Variants in GABRB1 observed in about 807,000 individuals in gnomAD.
GABRB1 encodes the protein gamma-aminobutyric acid type A receptor subunit beta1.
Under a neutral mutation model 51.6 loss-of-function variants are expected in GABRB1, and 17 were observed. The observed-to-expected ratio is 0.33, with a 90% CI of 0.23 to 0.49. The LOEUF is 0.49. Among genes scored for constraint, GABRB1 ranks in the 20% least tolerant of loss-of-function variants. The probability of loss-of-function intolerance (pLI) is 0.99; values close to 1 mark genes in which losing one functional copy is unlikely to be tolerated. For synonymous variants in GABRB1, 247 were observed against 218.9 expected (o/e 1.13, Z -1.14); for missense variants, 410 against 600.6 (o/e 0.68, Z 3.32).
intron 1 of GABRB1, among the ~76,000 whole-genome samples, chr4:47,022,939 A>G (rs1457729898): frequency 6.6e-6 from 1 of 152,128 alleles, no homozygotes; most frequent in Non-Finnish European, 1.5e-5. Context: ...CCATGAACAG[A>G]TGAATGAATA....
At chr4:46,999,838 T>A (rs1207463778) in intron 1 of GABRB1, among the ~76,000 whole-genome samples, 1 of 152,198 alleles carries the variant, frequency 6.6e-6, no homozygotes, top group Non-Finnish European at 1.5e-5. Context: ...TCACTGCATG[T>A]TTCATACTAA....
chr4:47,083,237 T>C lies in GABRB1; in HGVS notation c.240+50753T>C, dbSNP rs1012212128. Among the ~76,000 whole-genome samples, 3 of 152,272 alleles carry C rather than the reference T, an allele frequency of 2.0e-5. No individual in the cohort carries two copies. The East Asian group carries it at 5.8e-4, about 29-fold the overall frequency. On this transcript the variant is annotated intron_variant, in intron 3 of 8. Coordinates refer to ENST00000295454, the MANE Select transcript of GABRB1 (RefSeq NM_000812.4). ...TGATGACTTGAAACTCAAGCCTTGATAATGTCCTCCACTCTGTCAAGCAGG... is the reference window on the plus strand; with the variant it reads ...TGATGACTTGAAACTCAAGCCTTGACAATGTCCTCCACTCTGTCAAGCAGG...
At chr4:47,064,821 G>A (rs370599249) in intron 3 of GABRB1, among the ~76,000 whole-genome samples, 1 of 152,128 alleles carries the variant, frequency 6.6e-6, no homozygotes, top group South Asian at 2.1e-4. Context: ...ACAGTTTTTA[G>A]TGTGTAGAGG....
chr4:47,400,382 G>A (rs1007981988), intron 5 of GABRB1, among the ~76,000 whole-genome samples: 2 of 151,980 alleles, frequency 1.3e-5, no homozygotes, highest in Non-Finnish European at 2.9e-5. Flanking sequence ...TCCTTCTCTA[G>A]GGCTACTGGG....
At chr4:47,000,434 T>A (rs1724143947) in intron 1 of GABRB1, among the ~76,000 whole-genome samples, 2 of 152,218 alleles carry the variant, frequency 1.3e-5, no homozygotes, top group Non-Finnish European at 1.5e-5. Flanking sequence ...ACTATGTTAC[T>A]TTTTTTATAT....
chr4:47,314,539 G>C (rs1724815230), intron 4 of GABRB1, among the ~76,000 whole-genome samples: 1 of 151,948 alleles, frequency 6.6e-6, no homozygotes. Context: ...GCTGACCAGT[G>C]GTGCTCAAAT....
intron 4 of GABRB1, among the ~76,000 whole-genome samples, chr4:47,309,478 G>T (rs1724588664): frequency 6.6e-6 from 1 of 152,094 alleles, no homozygotes; most frequent in Admixed American, 6.6e-5. Context: ...CAAAAGAGAG[G>T]AGGGAAAGAA....
chr4:47,111,789 CAGG>C lies in GABRB1; in HGVS notation c.241-49457_241-49455del, dbSNP rs543477646. ...CTGAGGTGGGAGGATTACTTGAGCCCAGGAGATCGAGGCTGAAGTGAGCTGAGA... is the reference window on the plus strand; with the variant it reads ...CTGAGGTGGGAGGATTACTTGAGCCCAGATCGAGGCTGAAGTGAGCTGAGA... On this transcript the variant is annotated intron_variant, in intron 3 of 8. Transcript: ENST00000295454. Among the ~76,000 whole-genome samples, 351 of 152,092 alleles carry C rather than the reference CAGG, an allele frequency of 2.3e-3. 1 individual carries two copies. Among genetic ancestry groups the C allele is most frequent in the African/African-American group, 8.2e-3 (341 of 41,492 alleles).
intron 3 of GABRB1, among the ~76,000 whole-genome samples, chr4:47,060,800 G>T (rs999104432): frequency 6.6e-6 from 1 of 152,062 alleles, no homozygotes; most frequent in Non-Finnish European, 1.5e-5. Flanking sequence ...AAGAAAGATG[G>T]CACTTTAAGA....
intron 1 of GABRB1, among the ~76,000 whole-genome samples, chr4:47,001,271 T>TC: frequency 6.6e-6 from 1 of 152,072 alleles, no homozygotes; most frequent in African/African-American, 2.4e-5. Context: ...GCCTCCCGAG[T>TC]AGCTGGGACT....
At chr4:47,136,307 C>G (rs752533322) in intron 3 of GABRB1, among the ~76,000 whole-genome samples, 2 of 152,024 alleles carry the variant, frequency 1.3e-5, no homozygotes, top group Non-Finnish European at 2.9e-5. Flanking sequence ...AGAAGATTTT[C>G]CTTTCCCTGG....
At chr4:47,337,878 C>A (rs1725756981) in intron 5 of GABRB1, among the ~76,000 whole-genome samples, 1 of 150,722 alleles carries the variant, frequency 6.6e-6, no homozygotes, top group African/African-American at 2.4e-5. Context: ...GTAAAGTGCC[C>A]AGTACAGTCC....
Position 47,103,205 on chromosome 4 carries a change from T to C in GABRB1, c.241-58044T>C, listed in dbSNP as rs1055669193. Among the ~76,000 whole-genome samples, 13 of 152,030 alleles carry C rather than the reference T, an allele frequency of 8.6e-5. 1 individual carries two copies. The highest frequency in any genetic ancestry group is 1.5e-4 in the Non-Finnish European group (10 of 67,962). On this transcript the variant is annotated intron_variant, in intron 3 of 8. Transcript: ENST00000295454. ...AAATATTTTATATAAAAATTATGAA[T>C]ATATAGAAACAAAGTAGGAAAAAGT...
At chr4:47,016,858 G>A (rs888435650) in intron 1 of GABRB1, among the ~76,000 whole-genome samples, 7 of 152,116 alleles carry the variant, frequency 4.6e-5, no homozygotes, top group Non-Finnish European at 8.8e-5. Flanking sequence ...CCAAAGTGCT[G>A]GGATTACAGG....
At chr4:47,262,886 C>T (rs968146585) in intron 4 of GABRB1, among the ~76,000 whole-genome samples, 4 of 151,896 alleles carry the variant, frequency 2.6e-5, no homozygotes, top group African/African-American at 9.7e-5. Context: ...AGTTCATGTC[C>T]TTTGTAGGGA....
Position 47,063,096 on chromosome 4 carries a change from G to A in GABRB1, c.240+30612G>A, listed in dbSNP as rs368689860. Among the ~76,000 whole-genome samples the A allele has an allele frequency of 8.5e-5, 13 of 152,074 alleles. No individual in the cohort carries two copies. The South Asian group carries it at 2.1e-3, about 24-fold the overall frequency. On this transcript the variant is annotated intron_variant, in intron 3 of 8. Coordinates refer to ENST00000295454, the MANE Select transcript of GABRB1 (RefSeq NM_000812.4). The stretch of plus-strand genomic sequence containing the variant: ...TCCAAAGATTTTATATAGCTCTAAG[G>A]CCCTAAGCAATCCCTCTGTGGCCAC...
At chr4:47,377,322 AG>A (rs1727418456) in intron 5 of GABRB1, among the ~76,000 whole-genome samples, 1 of 151,912 alleles carries the variant, frequency 6.6e-6, no homozygotes. Context: ...ACTGACTTCA[AG>A]AATGAAGCCG....
In GABRB1 at chr4:47,139,597, G is replaced by T. The variant is rs115323215; in HGVS notation, c.241-21652G>T. ...TACCAAATCATAGAATCACGACTAG[G>T]TCTAGAAATTTCCATTTTTAACCAA... is the stretch of plus-strand genomic sequence containing the variant. On this transcript the variant is annotated intron_variant, in intron 3 of 8. Transcript: ENST00000295454. Among the ~76,000 whole-genome samples, 977 of 152,056 alleles carry T rather than the reference G, an allele frequency of 6.4e-3. 9 individuals carry two copies. The highest frequency in any genetic ancestry group is 0.022 in the African/African-American group (901 of 41,516).
chr4:47,153,765 T>G (rs1717565252), intron 3 of GABRB1, among the ~76,000 whole-genome samples: 1 of 151,988 alleles, frequency 6.6e-6, no homozygotes, highest in Non-Finnish European at 1.5e-5. Flanking sequence ...ATTTCAAAAT[T>G]TTTCAGAACA....
Sources: gnomAD v4.1 joint callset for allele counts (sites outside exome capture counted in the v4.1 genomes callset) on GRCh38, gnomAD v4.1.1 for gene constraint, MANE v1.5 for transcripts, NCBI Gene and HGNC (gene_info 2026-07-23, HGNC 2026-07-21) for gene names.